Variants in F13B observed in about 807,000 individuals in gnomAD.
F13B encodes the protein TGase.
In F13B, 58 loss-of-function variants were observed where a neutral mutation model predicts 79.8. The ratio of observed to expected loss-of-function variants is 0.73; its 90% CI spans 0.59 to 0.90. F13B has a LOEUF of 0.90. Among genes scored for constraint, F13B ranks in the 40% least tolerant of loss-of-function variants. F13B has a pLI of 0.00. For synonymous variants in F13B, 283 were observed against 260.3 expected, an observed-to-expected ratio of 1.09 and a Z score of -0.84; for missense variants, 773 against 777.0, an observed-to-expected ratio of 0.99 and a Z score of 0.06.
Position 197,039,582 on chromosome 1 carries a change from C to T in F13B, c.1953-171G>A, listed in dbSNP as rs555905011. Reference sequence around the variant, plus strand: ...TACCACCAGTTCCCTTTTAAAAATGCAATATTATTTACTACACTACTCATG... The same window carrying T: ...TACCACCAGTTCCCTTTTAAAAATGTAATATTATTTACTACACTACTCATG... On this transcript the variant is annotated intron_variant, in intron 11 of 11. Coordinates refer to ENST00000367412, the MANE Select transcript of F13B (RefSeq NM_001994.3). Among the ~76,000 whole-genome samples, 6 of 152,058 alleles carry T rather than the reference C, an allele frequency of 3.9e-5. No homozygotes were observed. In the East Asian group the frequency reaches 1.2e-3, roughly 29 times the overall value.
At chr1:197,043,763 G>A (rs1655126044) in intron 10 of F13B, among the ~76,000 whole-genome samples, 1 of 151,862 alleles carries the variant, frequency 6.6e-6, no homozygotes, top group African/African-American at 2.4e-5. Flanking sequence ...AGTGAAACAA[G>A]AAGAAAATGA....
At position 197,039,405 on chromosome 1, in the gene F13B, CAG is replaced by C. The variant is rs1258700251; in HGVS notation, c.1957_1958del (p.Leu653ValfsTer30). 2 of 1,610,366 alleles carry C rather than the reference CAG, an allele frequency of 1.2e-6. No individual in the cohort carries two copies. Among genetic ancestry groups the C allele is most frequent in the Middle Eastern group, 1.7e-4 (1 of 6,044 alleles). On this transcript the variant is annotated frameshift_variant, in exon 12 of 12. Coordinates refer to ENST00000367412, the MANE Select transcript of F13B (RefSeq NM_001994.3). LOFTEE classifies it high-confidence loss of function. ...YPRCIPRQST[L>X]SYQEPLRT ...ATGTTCTTAAGGGTTCTTGATAAGA[CAG>C]AGTGCTTGAGGGGAAAAAGAGAGAT...
At chr1:197,041,799 T>C (rs1192757177) in intron 10 of F13B, among the ~76,000 whole-genome samples, 1 of 152,226 alleles carries the variant, frequency 6.6e-6, no homozygotes, top group Non-Finnish European at 1.5e-5. Flanking sequence ...TTTTGCAGTT[T>C]GAGGTGCAAC....
rs760762834 is a variant in F13B at position 197,052,733 on chromosome 1, A to G, written c.1456T>C (p.Cys486Arg). 1 of 1,611,782 alleles carries G rather than the reference A, an allele frequency of 6.2e-7. No individual in the cohort carries two copies. Residue 486 changes from cysteine to arginine, a missense_variant, in exon 9 of 12, where the codon TGT (cysteine) becomes CGT (arginine). Cys to Arg is a radical substitution (Grantham distance 180, BLOSUM62 -3). Transcript: ENST00000367412. ...VLHGDLIDFV[C>R]KQGYDLSPLT... ...GGAGATAAGTCATATCCCTGTTTACATACAAAATCTATTAAATCTCCATGT... is the reference window on the plus strand; with the variant it reads ...GGAGATAAGTCATATCCCTGTTTACGTACAAAATCTATTAAATCTCCATGT...
At chr1:197,045,386 A>G (rs1427257301) in intron 10 of F13B, among the ~76,000 whole-genome samples, 1 of 152,220 alleles carries the variant, frequency 6.6e-6, no homozygotes, top group African/African-American at 2.4e-5. Context: ...TAAACACTCT[A>G]TGCAAATAAA....
At chr1:197,040,187 G>A in intron 11 of F13B, 1 of 235,372 alleles carries the variant, frequency 4.2e-6, no homozygotes, top group Non-Finnish European at 8.3e-6. Flanking sequence ...TGAGAAGTAG[G>A]AGAAAGTGTG....
intron 3 of F13B, among the ~76,000 whole-genome samples, chr1:197,061,386 C>T (rs1655856895): frequency 6.6e-6 from 1 of 152,072 alleles, no homozygotes; most frequent in Non-Finnish European, 1.5e-5. Context: ...ATTTAAACAA[C>T]TTACTAACAA....
In F13B at chr1:197,057,269, T is replaced by C. The variant is rs763316899; in HGVS notation, c.985+17A>G. On this transcript the variant is annotated intron_variant, in intron 6 of 11. Transcript: ENST00000367412. The stretch of plus-strand genomic sequence containing the variant: ...GCAGATTTCATTTTAGCAAAGCTTC[T>C]TCAAGGTGTTACTAACCAATGCATT... 1.2e-6 allele frequency: 2 copies of C among 1,613,940 alleles called. No individual in the cohort carries two copies. The highest frequency in any genetic ancestry group is 8.5e-7 in the Non-Finnish European group (1 of 1,179,910).
chr1:197,048,013 C>T (rs1655297380), intron 10 of F13B, among the ~76,000 whole-genome samples: 1 of 151,970 alleles, frequency 6.6e-6, no homozygotes. Flanking sequence ...GGAGGGATAG[C>T]TTTAGGAGAA....
intron 10 of F13B, among the ~76,000 whole-genome samples, chr1:197,050,475 T>A (rs1428521586): frequency 1.3e-5 from 2 of 152,140 alleles, no homozygotes; most frequent in Admixed American, 1.3e-4. Flanking sequence ...ACCAACCTGA[T>A]GTGTGGTTTG....
rs551318538 is a variant in F13B at position 197,046,230 on chromosome 1, T to A, written c.1738+4467A>T. On this transcript the variant is annotated intron_variant, in intron 10 of 11. Coordinates refer to ENST00000367412, the MANE Select transcript of F13B (RefSeq NM_001994.3). Reference sequence around the variant, plus strand: ...GGAAAAGAGGAATTCAAATTGTCCCTGTTTGCAGATAACATGATTATATAT... The same window carrying A: ...GGAAAAGAGGAATTCAAATTGTCCCAGTTTGCAGATAACATGATTATATAT... Among the ~76,000 whole-genome samples, 38 of 152,356 alleles carry A rather than the reference T, an allele frequency of 2.5e-4. No individual in the cohort carries two copies. In the East Asian group the frequency reaches 6.2e-3, roughly 25 times the overall value.
chr1:197,052,701 G>A lies in F13B; in HGVS notation c.1488C>T (p.Thr496=), dbSNP rs780141949. ...ACTGCACAGATAATTCAGACAATGG[G>A]GTTAATGGAGATAAGTCATATCCCT... is the stretch of plus-strand genomic sequence containing the variant. The part of the protein sequence containing the change: ...CKQGYDLSPL[T]PLSELSVQCN... Residue 496 remains threonine, a synonymous_variant, in exon 9 of 12, where the codon ACC becomes ACT. Transcript: ENST00000367412. 6 of 1,611,816 alleles carry A rather than the reference G, an allele frequency of 3.7e-6. No individual in the cohort carries two copies. The highest frequency in any genetic ancestry group is 1.7e-5 in the Admixed American group (1 of 59,788).
Position 197,060,361 on chromosome 1 carries a change from T to C in F13B, c.805+5A>G, listed in dbSNP as rs1244042548. 1 of 1,608,792 alleles carries C rather than the reference T, an allele frequency of 6.2e-7. No individual in the cohort carries two copies. The highest frequency in any genetic ancestry group is 2.2e-5 in the East Asian group (1 of 44,692). The stretch of plus-strand genomic sequence containing the variant: ...ATTTTGCGAGTATTAAATTTAAAAA[T>C]TTACCTTCGCATACAGGAGATTCTG... On this transcript the variant is annotated splice_donor_5th_base_variant and intron_variant, in intron 5 of 11. Coordinates refer to ENST00000367412, the MANE Select transcript of F13B (RefSeq NM_001994.3).
intron 11 of F13B, among the ~76,000 whole-genome samples, chr1:197,039,853 G>A (rs540083411): frequency 5.9e-5 from 9 of 151,948 alleles, no homozygotes; most frequent in African/African-American, 2.2e-4. Context: ...TTTTAAAACA[G>A]GACCACATGC....
chr1:197,040,833 G>T, intron 10 of F13B, 98 bp from the exon 11 acceptor site: 1 of 941,836 alleles, frequency 1.1e-6, no homozygotes, highest in Non-Finnish European at 1.6e-6. Flanking sequence ...TACTCATGAG[G>T]ACCTTAAAAT....
At chr1:197,046,365 C>G (rs534042229) in intron 10 of F13B, among the ~76,000 whole-genome samples, 13 of 152,158 alleles carry the variant, frequency 8.5e-5, no homozygotes, top group Admixed American at 7.9e-4. Flanking sequence ...TCCTATACAT[C>G]AATAATAGAC....
At chr1:197,053,464 T>C (rs1376151913) in intron 8 of F13B, among the ~76,000 whole-genome samples, 3 of 152,080 alleles carry the variant, frequency 2.0e-5, no homozygotes, top group Non-Finnish European at 4.4e-5. Context: ...TCCCTGCACA[T>C]GCTCTCTTGC....
intron 5 of F13B, 76 bp from the exon 6 acceptor site, chr1:197,057,541 C>T (rs1655692821): frequency 1.4e-6 from 2 of 1,443,754 alleles, no homozygotes; most frequent in Non-Finnish European, 1.9e-6. Flanking sequence ...AAATATTCAT[C>T]ATGTCAAGCA....
chr1:197,040,458 C>A, intron 11 of F13B, 64 bp downstream of exon 11: 1 of 1,155,012 alleles, frequency 8.7e-7, no homozygotes, highest in Non-Finnish European at 1.3e-6. Context: ...CATAACATTT[C>A]TGAAATGTTG....
Sources: allele counts gnomAD v4.1 joint callset (sites outside exome capture counted in the v4.1 genomes callset), GRCh38; gene constraint gnomAD v4.1.1; transcripts MANE v1.5; gene names NCBI Gene and HGNC (gene_info 2026-07-23, HGNC 2026-07-21).